WIZ: variants seen among roughly 807,000 people sequenced by gnomAD.
WIZ encodes the protein protein Wiz.
A neutral mutation model predicts 140.2 loss-of-function variants in WIZ; 25 were observed. The ratio of observed to expected loss-of-function variants is 0.18; its 90% CI spans 0.13 to 0.25. WIZ has a LOEUF of 0.25. Among genes scored for constraint, WIZ ranks in the 10% least tolerant of loss-of-function variants. The probability of loss-of-function intolerance (pLI) is 1.00; values close to 1 mark genes in which losing one functional copy is unlikely to be tolerated. For missense variants in WIZ, 2,231 were observed against 2,632.6 expected (o/e 0.85, Z 3.34); for synonymous variants, 1,125 against 1,154.3 (o/e 0.97, Z 0.51).
intron 9 of WIZ, 28 bp downstream of exon 9, chr19:15,426,954 C>T (rs751842398): frequency 5.1e-6 from 8 of 1,580,270 alleles, no homozygotes; most frequent in Non-Finnish European, 6.9e-6. Context: ...CAACTGTTCT[C>T]CCTGCCCTAC....
Position 15,421,471 on chromosome 19 carries a change from G to A in WIZ, c.*1605C>T, listed in dbSNP as rs1165097201. On this transcript the variant is annotated 3_prime_UTR_variant, in exon 13 of 13. Transcript: ENST00000673675. Reference sequence around the variant, plus strand: ...AGGTCGTTCCCACTCTCCAGCACTTGACCGTTTAGTAAAAACGATGAGCTG... The same window carrying A: ...AGGTCGTTCCCACTCTCCAGCACTTAACCGTTTAGTAAAAACGATGAGCTG... The A allele has an allele frequency of 6.6e-6, 1 of 152,308 alleles. No homozygotes were observed. The highest frequency in any genetic ancestry group is 2.4e-5 in the African/African-American group (1 of 41,454). The allele number at this position is 152,308 out of a possible 1,614,324, so 9.4% of individuals were successfully genotyped here. A position where few individuals can be genotyped will look rare whatever the true frequency, so the allele number is the denominator to read the frequency against.
rs763787061 is a variant in WIZ at position 15,440,682 on chromosome 19, C to T, written c.312G>A (p.Pro104=). Residue 104 remains proline, a synonymous_variant, in exon 4 of 13, where the codon CCG becomes CCA. Transcript: ENST00000673675. The surrounding 1 kb of genome is among the most constrained non-coding windows in gnomAD (Gnocchi z 6.2). Reference sequence around the variant, plus strand: ...CCAGGAGATGGGGTGGTGGGGAGCCCGGCCGGAAGTCCAGGCTGCCTCCAT... The same window carrying T: ...CCAGGAGATGGGGTGGTGGGGAGCCTGGCCGGAAGTCCAGGCTGCCTCCAT... The part of the protein sequence containing the change: ...CWDGGSLDFR[P]GSPPPHLLGH... The T allele has an allele frequency of 3.8e-5, 58 of 1,510,932 alleles. No homozygotes were observed. Among genetic ancestry groups the T allele is most frequent in the East Asian group, 1.2e-4 (5 of 40,516 alleles). 93.6% of individuals were successfully genotyped at this position (1,510,932 alleles called of 1,614,324 possible). A position where few individuals can be genotyped will look rare whatever the true frequency, so the allele number is the denominator to read the frequency against.
At chr19:15,436,722 GGCT>G (rs1568306748) in intron 5 of WIZ, 81 bp downstream of exon 5, 4 of 1,357,424 alleles carry the variant, frequency 2.9e-6, no homozygotes, top group African/African-American at 1.5e-5. Flanking sequence ...AAAGCTGAGC[GGCT>G]GCCCCTCCAG....
intron 5 of WIZ, among the ~76,000 whole-genome samples, chr19:15,435,357 C>T (rs891349868): frequency 2.6e-5 from 4 of 152,130 alleles, no homozygotes; most frequent in Non-Finnish European, 5.9e-5. Context: ...TAAATCCCTG[C>T]ACTTTGGGAG....
rs1216186122 is a variant in WIZ at position 15,440,768 on chromosome 19, C to T, written c.279-53G>A. 7 of 1,434,938 alleles carry T rather than the reference C, an allele frequency of 4.9e-6. No individual in the cohort carries two copies. The highest frequency in any genetic ancestry group is 6.4e-6 in the Non-Finnish European group (7 of 1,096,582). 88.9% of individuals were successfully genotyped at this position (1,434,938 alleles called of 1,614,324 possible). ...TTAGCCATGGGCTGCAGTTTTCCTT[C>T]CTAGGGTGGTGATGGGGGTCCTCCC... is the stretch of plus-strand genomic sequence containing the variant. On this transcript the variant is annotated intron_variant, in intron 3 of 12. Coordinates refer to ENST00000673675, the MANE Select transcript of WIZ (RefSeq NM_001371589.1). This position sits in a 1 kb window ranked among gnomAD's most constrained non-coding sequence, Gnocchi z 6.2.
In WIZ at chr19:15,448,175, G is replaced by C. The variant is rs755989049; in HGVS notation, c.133C>G (p.Arg45Gly). The change falls in exon 2 of 13, where the codon CGG becomes GGG. Residue 45 changes from arginine to glycine, a missense_variant. This residue lies in a region of WIZ where 85 missense variants were observed against 90.9 expected (regional missense o/e 0.94). Transcript: ENST00000673675. ...EAAEGEGGIFRSTRYLPVTKE... is the reference protein window; with the variant it reads ...EAAEGEGGIFGSTRYLPVTKE... ...GTGACAGGCAGGTAACGGGTGGACC[G>C]GAAGATGCCACCTTCCCCCTCAGCA... The C allele has an allele frequency of 6.2e-7, 1 of 1,612,884 alleles. No homozygotes were observed. Among genetic ancestry groups the C allele is most frequent in the Non-Finnish European group, 8.5e-7 (1 of 1,179,216 alleles).
intron 7 of WIZ, among the ~76,000 whole-genome samples, chr19:15,429,101 G>A (rs1047401931): frequency 6.6e-6 from 1 of 152,168 alleles, no homozygotes; most frequent in Non-Finnish European, 1.5e-5. Context: ...AGGAGGTGGG[G>A]CTTCACCGGC....
Position 15,429,754 on chromosome 19 carries a change from C to A in WIZ, c.3247G>T (p.Gly1083Cys). 6.7e-7 allele frequency: 1 copy of A among 1,499,430 alleles called. No homozygotes were observed. Among genetic ancestry groups the A allele is most frequent in the Non-Finnish European group, 8.9e-7 (1 of 1,126,752 alleles). 92.9% of individuals were successfully genotyped at this position (1,499,430 alleles called of 1,614,324 possible). ...AGGAGTGGAGAGCTGGGCGGGTGGC[C>A]CAGGCCCTTGGCCGAGAAGCCGGGA... is the stretch of plus-strand genomic sequence containing the variant. ...SPPGFSAKGL[G>C]HPPSSPLLKK... is the part of the protein sequence containing the mutation. The change falls in exon 7 of 13, where the codon GGC becomes TGC. Residue 1083 changes from glycine (G) to cysteine (C), a missense_variant. This residue lies in a region of WIZ where 163 missense variants were observed against 166.8 expected (regional missense o/e 0.98). Transcript: ENST00000673675.
At position 15,428,155 on chromosome 19, in the gene WIZ, C is replaced by G; in HGVS notation, c.3769G>C (p.Gly1257Arg). 6.5e-7 allele frequency: 1 copy of G among 1,534,478 alleles called. No individual in the cohort carries two copies. Among genetic ancestry groups the G allele is most frequent in the Non-Finnish European group, 8.7e-7 (1 of 1,146,778 alleles). The change falls in exon 8 of 13, where the codon GGC becomes CGC. Residue 1257 changes from glycine to arginine, a missense_variant. By Grantham distance (125) the Gly-to-Arg change is moderately radical (BLOSUM62 -2). Around this residue, in one of 15 missense-constraint regions of WIZ, gnomAD observed 141 missense variants for 161.2 expected, o/e 0.87. Transcript: ENST00000673675. This position sits in a 1 kb window ranked among gnomAD's most constrained non-coding sequence, Gnocchi z 6.4. ...KQDLSAAAAA[G>R]IFWASDVEPS... ...TCCACATCAGAGGCCCAGAAAATGC[C>G]GGCGGCTGCGGCGGCCGAGAGGTCC...
Position 15,440,217 on chromosome 19 carries a change from C to T in WIZ, c.777G>A (p.Ser259=), listed in dbSNP as rs536383126. The stretch of plus-strand genomic sequence containing the variant: ...CTGTCCAGGTCTGTGTGGCTACCTC[C>T]GAGGCTGACGTGGGTAGGCCCCACT... ...PSEWGLPTSA[S]EVATQTWTVN... Residue 259 remains serine (S), a synonymous_variant, in exon 4 of 13, where the codon TCG becomes TCA. Coordinates refer to ENST00000673675, the MANE Select transcript of WIZ (RefSeq NM_001371589.1). This position sits in a 1 kb window ranked among gnomAD's most constrained non-coding sequence, Gnocchi z 6.2. 79 of 1,516,954 alleles carry T rather than the reference C, an allele frequency of 5.2e-5. No homozygotes were observed. Among genetic ancestry groups the T allele is most frequent in the Middle Eastern group, 1.7e-4 (1 of 5,868 alleles). 94.0% of individuals were successfully genotyped at this position (1,516,954 alleles called of 1,614,324 possible). A position where few individuals can be genotyped will look rare whatever the true frequency, so the allele number is the denominator to read the frequency against.
In WIZ at chr19:15,430,861, G is replaced by A. The variant is rs986777496; in HGVS notation, c.2911+151C>T. On this transcript the variant is annotated intron_variant, in intron 6 of 12. Transcript: ENST00000673675. ...AGGACAGTAGAAGTTCAAGAGAGAA[G>A]ACAGCTGAGTGCCAACCTTGGTGCC... is the stretch of plus-strand genomic sequence containing the variant. The A allele has an allele frequency of 5.1e-6, 5 of 975,712 alleles. No individual in the cohort carries two copies. The African/African-American group carries it at 8.3e-5, about 16-fold the overall frequency. 60.4% of individuals were successfully genotyped at this position (975,712 alleles called of 1,614,324 possible).
chr19:15,440,316 C>T lies in WIZ; in HGVS notation c.678G>A (p.Pro226=), dbSNP rs558788980. ...CCACCACCGCCATGTCCAGCGTCTT[C>T]GGGGTGTCTTCCACTGGCACAAACA... ...RRVFVPVEDT[P]KTLDMAVVGG... Residue 226 remains proline (P), a synonymous_variant, in exon 4 of 13, where the codon CCG becomes CCA. Coordinates refer to ENST00000673675, the MANE Select transcript of WIZ (RefSeq NM_001371589.1). This position sits in a 1 kb window ranked among gnomAD's most constrained non-coding sequence, Gnocchi z 6.2. 3.8e-5 allele frequency: 57 copies of T among 1,516,862 alleles called. No homozygotes were observed. The highest frequency in any genetic ancestry group is 2.7e-4 in the South Asian group (22 of 81,564). The allele number at this position is 1,516,862 out of a possible 1,614,324, so 94.0% of individuals were successfully genotyped here.
chr19:15,440,303 T>C lies in WIZ; in HGVS notation c.691A>G (p.Met231Val). 6.6e-7 allele frequency: 1 copy of C among 1,507,016 alleles called. No individual in the cohort carries two copies. The highest frequency in any genetic ancestry group is 1.2e-5 in the South Asian group (1 of 80,130). The allele number at this position is 1,507,016 out of a possible 1,614,324, so 93.4% of individuals were successfully genotyped here. Residue 231 changes from methionine to valine, a missense_variant, in exon 4 of 13, where the codon ATG (methionine) becomes GTG (valine). Coordinates refer to ENST00000673675, the MANE Select transcript of WIZ (RefSeq NM_001371589.1). This position sits in a 1 kb window ranked among gnomAD's most constrained non-coding sequence, Gnocchi z 6.2. Reference sequence around the variant, plus strand: ...TCTTCTCTGCCACCCACCACCGCCATGTCCAGCGTCTTCGGGGTGTCTTCC... The same window carrying C: ...TCTTCTCTGCCACCCACCACCGCCACGTCCAGCGTCTTCGGGGTGTCTTCC... ...PVEDTPKTLD[M>V]AVVGGREDLE...
chr19:15,449,761 C>A (rs1281583429), intron 1 of WIZ, 37 bp downstream of exon 1: 1 of 146,334 alleles, frequency 6.8e-6, no homozygotes, highest in Non-Finnish European at 1.5e-5. Flanking sequence ...ACGGCTCCGC[C>A]CCACCCGCGG....
chr19:15,433,331 G>A, intron 5 of WIZ: 1 of 985,340 alleles, frequency 1.0e-6, no homozygotes, highest in Non-Finnish European at 1.2e-6. Flanking sequence ...AGTTGGGTGG[G>A]GCTAGAATCG....
In WIZ at chr19:15,449,784, G is replaced by C. The variant is rs1231238630; in HGVS notation, c.-61+14C>G. On this transcript the variant is annotated intron_variant, in intron 1 of 12. Transcript: ENST00000673675. The stretch of plus-strand genomic sequence containing the variant: ...GCCCCACCCGCGGGCTCCCCAGGCC[G>C]GGCCGGGCCTCACCGGGGAGGCGGC... 5 of 144,214 alleles carry C rather than the reference G, an allele frequency of 3.5e-5. No homozygotes were observed. Among genetic ancestry groups the C allele is most frequent in the Non-Finnish European group, 6.1e-5 (4 of 65,418 alleles). 8.9% of individuals were successfully genotyped at this position (144,214 alleles called of 1,614,324 possible). A position where few individuals can be genotyped will look rare whatever the true frequency, so the allele number is the denominator to read the frequency against.
At chr19:15,435,943 T>C (rs1240810861) in intron 5 of WIZ, among the ~76,000 whole-genome samples, 3 of 151,694 alleles carry the variant, frequency 2.0e-5, no homozygotes, top group African/African-American at 7.3e-5. Context: ...GCCAACATGG[T>C]GAAAACCCAT....
In WIZ at chr19:15,438,671, C is replaced by T. The variant is rs1256245916; in HGVS notation, c.2323G>A (p.Val775Met). Reference sequence around the variant, plus strand: ...TGGCGCACATTGTAGCTGACGCCCACGCGGTTCAGGTGGCCCCGGACGTGG... The same window carrying T: ...TGGCGCACATTGTAGCTGACGCCCATGCGGTTCAGGTGGCCCCGGACGTGG... ...ANHVRGHLNR[V>M]GVSYNVRHFI... Residue 775 changes from valine (V) to methionine (M), a missense_variant, in exon 4 of 13, where the codon GTG (valine) becomes ATG (methionine). By Grantham distance (21) the Val-to-Met change is conservative (BLOSUM62 1). Transcript: ENST00000673675. 5.2e-6 allele frequency: 8 copies of T among 1,535,976 alleles called. No individual in the cohort carries two copies. The highest frequency in any genetic ancestry group is 2.0e-5 in the Admixed American group (1 of 50,990).
chr19:15,429,316 G>A (rs1049728679), intron 7 of WIZ, among the ~76,000 whole-genome samples: 7 of 152,200 alleles, frequency 4.6e-5, no homozygotes, highest in East Asian at 1.9e-4. Flanking sequence ...CCTCAGTGGC[G>A]AGCATGACCC....
Sources: gnomAD v4.1 joint callset for allele counts (sites outside exome capture counted in the v4.1 genomes callset) on GRCh38, gnomAD v4.1.1 for gene constraint, gnomAD v4.1.1 regional missense constraint, Gnocchi (gnomAD v3.1) non-coding constraint, MANE v1.5 for transcripts, NCBI Gene and HGNC (gene_info 2026-07-23, HGNC 2026-07-21) for gene names.